Variants in DRC1 observed in about 807,000 individuals in gnomAD.
DRC1 encodes the protein dynein regulatory complex subunit 1.
DRC1 carries 74 observed loss-of-function variants against 98.7 expected under a neutral mutation model. That is an observed-to-expected ratio of 0.75 (90% CI 0.62 to 0.91). The LOEUF is 0.91. Among genes scored for constraint, DRC1 ranks in the 40% least tolerant of loss-of-function variants. The pLI is 0.00. For synonymous variants in DRC1, 336 were observed against 334.1 expected (o/e 1.01, Z -0.06); for missense variants, 875 against 886.0 (o/e 0.99, Z 0.16).
intron 7 of DRC1, among the ~76,000 whole-genome samples, chr2:26,432,554 AAAGG>A (rs1663462670): frequency 2.0e-5 from 3 of 149,326 alleles, no homozygotes; most frequent in South Asian, 4.3e-4. Flanking sequence ...GAAAAGAAAG[AAAGG>A]AAGAAAGGAA....
At chr2:26,427,114 T>G (rs2147989096) in intron 4 of DRC1, among the ~76,000 whole-genome samples, 1 of 152,232 alleles carries the variant, frequency 6.6e-6, no homozygotes, top group Non-Finnish European at 1.5e-5. Context: ...TTTTAAACAT[T>G]TAATTTAATT....
intron 3 of DRC1, 106 bp from the exon 4 acceptor site, chr2:26,424,165 C>T: frequency 7.3e-7 from 1 of 1,371,972 alleles, no homozygotes; most frequent in Non-Finnish European, 1.0e-6. Flanking sequence ...TGGGCAGTGC[C>T]TAGTACCTGG....
chr2:26,450,244 C>T (rs1053729900), intron 12 of DRC1, among the ~76,000 whole-genome samples, 159 bp downstream of exon 12: 2 of 152,204 alleles, frequency 1.3e-5, no homozygotes, highest in African/African-American at 4.8e-5. Context: ...CCACACAACA[C>T]ATTGGTCTCA....
Position 26,421,344 on chromosome 2 carries a change from T to C in DRC1, c.300T>C (p.Ala100=), listed in dbSNP as rs1307580523. The change falls in exon 3 of 17, where the codon GCT becomes GCC. Residue 100 remains alanine (A), a synonymous_variant. Transcript: ENST00000288710. ...AGTTGGTGACAAATATCCAGGTGGC[T>C]ATAGATATCAGAGAGATTCACAGGA... The part of the protein sequence containing the change: ...GTELVTNIQV[A]IDIREIHRRV... The C allele has an allele frequency of 1.9e-6, 3 of 1,613,664 alleles. No homozygotes were observed. The African/African-American group carries it at 4.0e-5, about 22-fold the overall frequency.
At chr2:26,437,550 C>T (rs1347893616) in intron 7 of DRC1, among the ~76,000 whole-genome samples, 7 of 152,092 alleles carry the variant, frequency 4.6e-5, no homozygotes, top group Non-Finnish European at 1.0e-4. Context: ...GGAGCATAAA[C>T]CATAGGTTGC....
intron 7 of DRC1, among the ~76,000 whole-genome samples, chr2:26,438,552 A>G (rs1663633118): frequency 6.6e-6 from 1 of 152,202 alleles, no homozygotes; most frequent in African/African-American, 2.4e-5. Flanking sequence ...AGACATTCAA[A>G]TACTCATCTC....
intron 8 of DRC1, among the ~76,000 whole-genome samples, chr2:26,442,334 A>G (rs1663739009): frequency 6.6e-6 from 1 of 152,228 alleles, no homozygotes; most frequent in Non-Finnish European, 1.5e-5. Flanking sequence ...AACTTCCCAC[A>G]GTAGGATACT....
chr2:26,445,012 C>A, intron 10 of DRC1, 64 bp downstream of exon 10: 1 of 1,530,990 alleles, frequency 6.5e-7, no homozygotes, highest in Non-Finnish European at 8.9e-7. Context: ...TCGGGTCAAG[C>A]CAGTCACGTT....
At chr2:26,451,143 C>A (rs1035798204) in intron 13 of DRC1, among the ~76,000 whole-genome samples, 1 of 152,152 alleles carries the variant, frequency 6.6e-6, no homozygotes, top group East Asian at 1.9e-4. Flanking sequence ...GCTAACTTAG[C>A]ATTTCCCTTA....
intron 4 of DRC1, among the ~76,000 whole-genome samples, chr2:26,425,682 A>G (rs775915576): frequency 3.9e-5 from 6 of 152,150 alleles, no homozygotes; most frequent in Non-Finnish European, 8.8e-5. Flanking sequence ...GATGTTGTGC[A>G]TGTTTTTCAT....
chr2:26,436,030 C>A (rs1397461656), intron 7 of DRC1, among the ~76,000 whole-genome samples: 4 of 152,070 alleles, frequency 2.6e-5, no homozygotes, highest in Admixed American at 6.6e-5. Flanking sequence ...TGAGGAATTG[C>A]CACACTGCTT....
chr2:26,412,008 C>G (rs1185970548), intron 1 of DRC1, among the ~76,000 whole-genome samples: 1 of 151,774 alleles, frequency 6.6e-6, no homozygotes, highest in Admixed American at 6.6e-5. Flanking sequence ...TAGCTGAAGA[C>G]CTGAGTAAAA....
chr2:26,454,861 G>C lies in DRC1; in HGVS notation c.2063+71G>C. The C allele has an allele frequency of 6.2e-7, 1 of 1,600,066 alleles. No individual in the cohort carries two copies. Among genetic ancestry groups the C allele is most frequent in the Non-Finnish European group, 8.5e-7 (1 of 1,171,550 alleles). On this transcript the variant is annotated intron_variant, in intron 15 of 16. Coordinates refer to ENST00000288710, the MANE Select transcript of DRC1 (RefSeq NM_145038.5). This position sits in a 1 kb window ranked among gnomAD's most constrained non-coding sequence, Gnocchi z 5.2. ...AGGAACGGTTGTTGGGAGCAGCCGC[G>C]TTTGCTGCCTCCCTGTCCCACTGAA...
intron 1 of DRC1, among the ~76,000 whole-genome samples, chr2:26,406,057 C>G (rs1204862638): frequency 1.3e-5 from 2 of 152,100 alleles, no homozygotes; most frequent in East Asian, 3.8e-4. Flanking sequence ...ATGCATGCAG[C>G]TGAGTCTGTG....
At chr2:26,444,647 C>T in intron 9 of DRC1, 69 bp from the exon 10 acceptor site, 1 of 1,422,618 alleles carries the variant, frequency 7.0e-7, no homozygotes, top group Non-Finnish European at 9.8e-7. Flanking sequence ...TCCTGCCCTG[C>T]TGCTATTTGA....
intron 13 of DRC1, among the ~76,000 whole-genome samples, chr2:26,452,386 G>T (rs545545990): frequency 1.3e-5 from 2 of 152,138 alleles, no homozygotes; most frequent in African/African-American, 4.8e-5. Context: ...CTCCTGAGTA[G>T]CTGGGATTGA....
Position 26,454,793 on chromosome 2 carries a change from A to G in DRC1, c.2063+3A>G. Reference sequence around the variant, plus strand: ...TACACAGCCTTGGAGAAGTACCAGTAAGTGTGCATGTCATGGAGCAGGAGG... The same window carrying G: ...TACACAGCCTTGGAGAAGTACCAGTGAGTGTGCATGTCATGGAGCAGGAGG... On this transcript the variant is annotated splice_donor_region_variant and intron_variant, in intron 15 of 16. Coordinates refer to ENST00000288710, the MANE Select transcript of DRC1 (RefSeq NM_145038.5). The surrounding 1 kb of genome is among the most constrained non-coding windows in gnomAD (Gnocchi z 5.2). 1 of 1,614,022 alleles carries G rather than the reference A, an allele frequency of 6.2e-7. No homozygotes were observed. Among genetic ancestry groups the G allele is most frequent in the Non-Finnish European group, 8.5e-7 (1 of 1,179,930 alleles).
At chr2:26,410,418 C>T (rs950033614) in intron 1 of DRC1, among the ~76,000 whole-genome samples, 13 of 151,488 alleles carry the variant, frequency 8.6e-5, no homozygotes, top group African/African-American at 3.2e-4. Context: ...ATTACAGACA[C>T]CTGCCACTAT....
chr2:26,437,086 C>G (rs535265626), intron 7 of DRC1, among the ~76,000 whole-genome samples: 1 of 152,148 alleles, frequency 6.6e-6, no homozygotes. Flanking sequence ...GATTCCTGAC[C>G]CACTCACGAT....
Sources: allele counts gnomAD v4.1 joint callset (sites outside exome capture counted in the v4.1 genomes callset), GRCh38; gene constraint gnomAD v4.1.1; non-coding constraint Gnocchi (gnomAD v3.1); transcripts MANE v1.5; gene names NCBI Gene and HGNC (gene_info 2026-07-23, HGNC 2026-07-21).